The following TMEM245 variants were observed in gnomAD, a reference collection of about 807,000 sequenced individuals.
The protein encoded by TMEM245 is protein CG-2.
In TMEM245, 69 loss-of-function variants were observed where a neutral mutation model predicts 101.2. The ratio of observed to expected loss-of-function variants is 0.68; its 90% CI spans 0.56 to 0.83. The LOEUF is 0.83. Among genes scored for constraint, TMEM245 ranks in the 40% least tolerant of loss-of-function variants. The probability of loss-of-function intolerance (pLI) is 0.00; values close to 1 mark genes in which losing one functional copy is unlikely to be tolerated. For synonymous variants in TMEM245, 537 were observed against 449.8 expected, an observed-to-expected ratio of 1.19 and a Z score of -2.45; for missense variants, 1,075 against 1,092.8, an observed-to-expected ratio of 0.98 and a Z score of 0.23.
rs77069532 is a variant in TMEM245 at position 109,069,620 on chromosome 9, C to T, written c.1532+3736G>A. Among the ~76,000 whole-genome samples, 1,414 of 152,260 alleles carry T rather than the reference C, an allele frequency of 9.3e-3. 27 individuals are homozygous for T. Among genetic ancestry groups the T allele is most frequent in the African/African-American group, 0.033 (1,363 of 41,534 alleles). ...ACCTGCTTTCCCCAGCTGTTCCATT[C>T]GTGCCATGGATTCATCTCATGCTTC... On this transcript the variant is annotated intron_variant, in intron 9 of 17. Coordinates refer to ENST00000374586, the MANE Select transcript of TMEM245 (RefSeq NM_032012.4).
At position 109,098,050 on chromosome 9, in the gene TMEM245, C is replaced by T. The variant is rs557190806; in HGVS notation, c.800-4459G>A. On this transcript the variant is annotated intron_variant, in intron 3 of 17. Transcript: ENST00000374586. The stretch of plus-strand genomic sequence containing the variant: ...AAACTAGAAGCAGAAGCCACTAACC[C>T]TTCTGTAGTATTTCTTTGTACCTCT... Among the ~76,000 whole-genome samples the T allele has an allele frequency of 7.9e-5, 12 of 152,288 alleles. No homozygotes were observed. The South Asian group carries it at 2.5e-3, about 32-fold the overall frequency.
chr9:109,105,522 T>A (rs573702875), intron 3 of TMEM245, among the ~76,000 whole-genome samples: 1 of 152,330 alleles, frequency 6.6e-6, no homozygotes, highest in East Asian at 1.9e-4. Context: ...ACTGAAAACG[T>A]GTATTCAAAT....
chr9:109,088,088 G>T (rs1478459970), intron 5 of TMEM245, among the ~76,000 whole-genome samples: 1 of 152,216 alleles, frequency 6.6e-6, no homozygotes, highest in Non-Finnish European at 1.5e-5. Flanking sequence ...GGGCCAGAAA[G>T]AAGTGTTACT....
chr9:109,043,139 G>T (rs1283935421), intron 14 of TMEM245, among the ~76,000 whole-genome samples: 1 of 152,094 alleles, frequency 6.6e-6, no homozygotes, highest in Non-Finnish European at 1.5e-5. Context: ...GAGATTGCTA[G>T]GAATAATTTA....
intron 8 of TMEM245, among the ~76,000 whole-genome samples, chr9:109,073,679 CATAA>C (rs1341460573): frequency 3.3e-5 from 5 of 152,234 alleles, no homozygotes; most frequent in South Asian, 4.1e-4. Flanking sequence ...GAAAAAAATA[CATAA>C]ATAGATATGT....
At chr9:109,032,691 G>A (rs1827997571) in intron 17 of TMEM245, among the ~76,000 whole-genome samples, 1 of 150,912 alleles carries the variant, frequency 6.6e-6, no homozygotes, top group Non-Finnish European at 1.5e-5. Context: ...CATCTGGCCT[G>A]GTTGTCCATT....
At chr9:109,098,542 G>T (rs1830200597) in intron 3 of TMEM245, among the ~76,000 whole-genome samples, 1 of 151,832 alleles carries the variant, frequency 6.6e-6, no homozygotes, top group South Asian at 2.1e-4. Context: ...GAATTGGCCT[G>T]GAATCAGAGT....
At chr9:109,099,047 A>G (rs1284978399) in intron 3 of TMEM245, among the ~76,000 whole-genome samples, 1 of 152,246 alleles carries the variant, frequency 6.6e-6, no homozygotes, top group Non-Finnish European at 1.5e-5. Context: ...TCACAGGGAT[A>G]GCAGCAGTTA....
Position 109,051,336 on chromosome 9 carries a change from ACACAT to A in TMEM245, c.1855-649_1855-645del, listed in dbSNP as rs1179704561. 4.0e-5 allele frequency among the ~76,000 whole-genome samples: 6 copies of A among 151,388 alleles called. No homozygotes were observed. In the East Asian group the frequency reaches 1.2e-3, roughly 29 times the overall value. On this transcript the variant is annotated intron_variant, in intron 12 of 17. Coordinates refer to ENST00000374586, the MANE Select transcript of TMEM245 (RefSeq NM_032012.4). ...CACACACACACACACACACACACAC[ACACAT>A]CATTGTAGATTATGTAAAAATCGCA...
At chr9:109,044,134 G>GAAACTT (rs1033399167) in intron 14 of TMEM245, among the ~76,000 whole-genome samples, 4 of 152,194 alleles carry the variant, frequency 2.6e-5, no homozygotes, top group East Asian at 1.9e-4. Context: ...ATCCTAGGAT[G>GAAACTT]AAACTTACTT....
At chr9:109,094,295 G>C (rs1315260579) in intron 3 of TMEM245, among the ~76,000 whole-genome samples, 1 of 152,082 alleles carries the variant, frequency 6.6e-6, no homozygotes, top group Non-Finnish European at 1.5e-5. Flanking sequence ...ACATAGCATC[G>C]GGTTCTAGCA....
At chr9:109,051,299 C>CACAT in intron 12 of TMEM245, among the ~76,000 whole-genome samples, 1 of 136,854 alleles carries the variant, frequency 7.3e-6, no homozygotes, top group Non-Finnish European at 1.6e-5. Flanking sequence ...TCTCAAAACA[C>CACAT]ACACACACAC....
At chr9:109,053,805 A>T (rs1828755513) in intron 12 of TMEM245, among the ~76,000 whole-genome samples, 1 of 152,246 alleles carries the variant, frequency 6.6e-6, no homozygotes, top group South Asian at 2.1e-4. Flanking sequence ...AAAACAAAGG[A>T]GGAAGAGGAC....
intron 8 of TMEM245, 58 bp downstream of exon 8, chr9:109,080,781 G>A (rs1829644297): frequency 9.1e-7 from 1 of 1,099,008 alleles, no homozygotes; most frequent in Non-Finnish European, 1.3e-6. Flanking sequence ...TTTTAATCCA[G>A]ACTACAATTC....
At chr9:109,033,272 T>C in intron 17 of TMEM245, 35 bp downstream of exon 17, 1 of 1,555,926 alleles carries the variant, frequency 6.4e-7, no homozygotes, top group African/African-American at 1.4e-5. Flanking sequence ...GTTCAATGTA[T>C]AAATACAGCT....
intron 17 of TMEM245, among the ~76,000 whole-genome samples, chr9:109,025,743 C>G (rs1470232382): frequency 6.7e-6 from 1 of 149,056 alleles, no homozygotes; most frequent in Non-Finnish European, 1.5e-5. Context: ...GGTGTTTTTG[C>G]CTTTCCCTAC....
chr9:109,101,264 TAGAG>T (rs1564207141), intron 3 of TMEM245, among the ~76,000 whole-genome samples: 1 of 151,870 alleles, frequency 6.6e-6, no homozygotes, highest in African/African-American at 2.4e-5. Flanking sequence ...TCAGAAGACA[TAGAG>T]AAAGATACCC....
At chr9:109,099,647 A>G (rs1830233942) in intron 3 of TMEM245, among the ~76,000 whole-genome samples, 1 of 152,168 alleles carries the variant, frequency 6.6e-6, no homozygotes, top group South Asian at 2.1e-4. Flanking sequence ...AAAAAAACTA[A>G]GAGTATTTTT....
chr9:109,100,461 C>T (rs1305552566), intron 3 of TMEM245, among the ~76,000 whole-genome samples: 3 of 152,078 alleles, frequency 2.0e-5, no homozygotes, highest in Non-Finnish European at 2.9e-5. Context: ...GTAGCTGGGA[C>T]TATAGATGCA....
Sources: gnomAD v4.1 joint callset for allele counts (sites outside exome capture counted in the v4.1 genomes callset) on GRCh38, gnomAD v4.1.1 for gene constraint, MANE v1.5 for transcripts, NCBI Gene and HGNC (gene_info 2026-07-23, HGNC 2026-07-21) for gene names.